The following SYN3 variants were observed in gnomAD, a reference collection of about 807,000 sequenced individuals.
SYN3 encodes synapsin-3.
A neutral mutation model predicts 65.8 loss-of-function variants in SYN3; 35 were observed. The observed-to-expected ratio is 0.53, with a 90% CI of 0.41 to 0.70. The LOEUF is 0.70. Among genes scored for constraint, SYN3 ranks in the 30% least tolerant of loss-of-function variants. SYN3 has a pLI of 0.00. For missense variants in SYN3, 680 were observed against 749.0 expected, an observed-to-expected ratio of 0.91 and a Z score of 1.08; for synonymous variants, 270 against 292.9, an observed-to-expected ratio of 0.92 and a Z score of 0.80.
rs560572482 is a variant in SYN3 at position 32,937,250 on chromosome 22, G to A, written c.370-5769C>T. Among the ~76,000 whole-genome samples the A allele has an allele frequency of 4.6e-5, 7 of 152,268 alleles. No individual in the cohort carries two copies. The South Asian group carries it at 1.5e-3, about 32-fold the overall frequency. On this transcript the variant is annotated intron_variant, in intron 3 of 13. Coordinates refer to ENST00000358763, the MANE Select transcript of SYN3 (RefSeq NM_003490.4). ...AGAATGTAGATGGAAACAATACAAT[G>A]GGAGAGAAAGAAACATATTTTAAAA...
chr22:32,810,427 G>A (rs925875069), intron 6 of SYN3, among the ~76,000 whole-genome samples: 1 of 151,952 alleles, frequency 6.6e-6, no homozygotes, highest in Non-Finnish European at 1.5e-5. Flanking sequence ...CTGGCTTTTT[G>A]TGGGGGTGGG....
At chr22:32,703,688 A>C (rs984965613) in intron 6 of SYN3, among the ~76,000 whole-genome samples, 7 of 151,892 alleles carry the variant, frequency 4.6e-5, no homozygotes, top group African/African-American at 1.7e-4. Context: ...TCTAAGTCTC[A>C]TCCAAAGGGG....
intron 6 of SYN3, among the ~76,000 whole-genome samples, chr22:32,654,480 C>T (rs5754190): frequency 0.15 from 22,489 of 152,182 alleles, 2,852 homozygotes; most frequent in East Asian, 0.68. Flanking sequence ...TCTGCTGGTC[C>T]TTTTCCTGTC....
intron 3 of SYN3, among the ~76,000 whole-genome samples, chr22:32,935,293 C>T (rs1261112745): frequency 1.4e-5 from 2 of 147,652 alleles, no homozygotes; most frequent in Non-Finnish European, 3.0e-5. Context: ...CTTTCTCTCT[C>T]TCTCTCTCTC....
chr22:32,591,911 T>C (rs563271282), intron 7 of SYN3, among the ~76,000 whole-genome samples: 11 of 152,338 alleles, frequency 7.2e-5, no homozygotes, highest in African/African-American at 2.4e-4. Context: ...CCATGCTGTA[T>C]ATGCCACCCA....
intron 10 of SYN3, among the ~76,000 whole-genome samples, chr22:32,530,718 A>G (rs949063552): frequency 2.6e-5 from 4 of 151,944 alleles, no homozygotes; most frequent in African/African-American, 9.7e-5. Flanking sequence ...AAGAATGTGA[A>G]TACTGGCTGG....
chr22:32,768,206 C>A (rs1244386952), intron 6 of SYN3, among the ~76,000 whole-genome samples: 1 of 152,174 alleles, frequency 6.6e-6, no homozygotes, highest in South Asian at 2.1e-4. Context: ...CCAGCTCTGG[C>A]TTCCTTCTGG....
At chr22:32,956,698 G>T (rs1328312731) in intron 3 of SYN3, among the ~76,000 whole-genome samples, 3 of 152,166 alleles carry the variant, frequency 2.0e-5, no homozygotes, top group Non-Finnish European at 2.9e-5. Flanking sequence ...CATCTGGGTT[G>T]TTTCCACCTT....
At chr22:32,531,541 G>A (rs1241608802) in intron 10 of SYN3, among the ~76,000 whole-genome samples, 1 of 152,106 alleles carries the variant, frequency 6.6e-6, no homozygotes, top group African/African-American at 2.4e-5. Context: ...GTCATTCCCC[G>A]GACAAGGTCA....
chr22:32,640,021 C>T (rs556426757), intron 6 of SYN3, among the ~76,000 whole-genome samples: 1 of 152,334 alleles, frequency 6.6e-6, no homozygotes, highest in East Asian at 1.9e-4. Flanking sequence ...TCTAGAACTG[C>T]AAAACTGTTC....
intron 4 of SYN3, among the ~76,000 whole-genome samples, chr22:32,928,047 T>C (rs1024878414): frequency 7.2e-5 from 11 of 152,196 alleles, no homozygotes; most frequent in Non-Finnish European, 1.6e-4. Context: ...AATGCATTTA[T>C]TGGCCGGGCG....
chr22:32,569,571 C>CTCTCTATATA (rs1205661126), intron 7 of SYN3, among the ~76,000 whole-genome samples: 10 of 90,936 alleles, frequency 1.1e-4, no homozygotes, highest in African/African-American at 3.7e-4. Flanking sequence ...CTCTCTCTCT[C>CTCTCTATATA]TATATATATA....
intron 6 of SYN3, among the ~76,000 whole-genome samples, chr22:32,725,429 A>G (rs1282681968): frequency 6.6e-6 from 1 of 152,204 alleles, no homozygotes. Context: ...CACTCCAAAG[A>G]TGCCTATGTC....
At chr22:32,529,842 C>T (rs915641023) in intron 10 of SYN3, among the ~76,000 whole-genome samples, 8 of 152,172 alleles carry the variant, frequency 5.3e-5, no homozygotes, top group African/African-American at 1.4e-4. Flanking sequence ...TCAGACTCAC[C>T]GTCTTGTCTC....
intron 6 of SYN3, among the ~76,000 whole-genome samples, chr22:32,754,868 G>C (rs897636329): frequency 3.9e-5 from 6 of 152,206 alleles, no homozygotes; most frequent in Non-Finnish European, 5.9e-5. Flanking sequence ...GGGCCAGAGA[G>C]GCCTCCAGAA....
chr22:32,949,497 T>C (rs1201238817), intron 3 of SYN3, among the ~76,000 whole-genome samples: 1 of 151,976 alleles, frequency 6.6e-6, no homozygotes, highest in African/African-American at 2.4e-5. Flanking sequence ...TAAGCACCTG[T>C]TTGTAATTAA....
chr22:32,904,296 G>C (rs944004633), intron 4 of SYN3, among the ~76,000 whole-genome samples: 1 of 152,154 alleles, frequency 6.6e-6, no homozygotes, highest in Admixed American at 6.5e-5. Context: ...GCTCTGCGAG[G>C]CCTGGCCCAT....
intron 1 of SYN3, among the ~76,000 whole-genome samples, chr22:33,027,559 T>C (rs934393144): frequency 4.0e-5 from 6 of 149,510 alleles, no homozygotes; most frequent in African/African-American, 1.5e-4. Flanking sequence ...ATTACACCAC[T>C]GCACTCCAGC....
chr22:32,978,155 A>C (rs2052263087), intron 3 of SYN3, among the ~76,000 whole-genome samples: 1 of 152,140 alleles, frequency 6.6e-6, no homozygotes, highest in Admixed American at 6.5e-5. Flanking sequence ...GAAAACATGA[A>C]GTTGTGAGGC....
Sources: allele counts gnomAD v4.1 joint callset (sites outside exome capture counted in the v4.1 genomes callset), GRCh38; gene constraint gnomAD v4.1.1; transcripts MANE v1.5; gene names NCBI Gene and HGNC (gene_info 2026-07-23, HGNC 2026-07-21).